CD28: variants seen among roughly 807,000 people sequenced by gnomAD.
CD28 encodes the protein CD28 molecule.
CD28 carries 8 observed loss-of-function variants against 21.4 expected under a neutral mutation model. The ratio of observed to expected loss-of-function variants is 0.37; its 90% CI spans 0.22 to 0.68. CD28 has a LOEUF of 0.68. Ranked by LOEUF, CD28 falls within the 30% of genes least tolerant of loss-of-function variation. The probability of loss-of-function intolerance (pLI) is 0.55; values close to 1 mark genes in which losing one functional copy is unlikely to be tolerated. For synonymous variants in CD28, 106 were observed against 104.0 expected, an observed-to-expected ratio of 1.02 and a Z score of -0.12; for missense variants, 239 against 272.2, an observed-to-expected ratio of 0.88 and a Z score of 0.86.
chr2:203,729,440 A>G (rs911813854), intron 2 of CD28, among the ~76,000 whole-genome samples: 1 of 152,172 alleles, frequency 6.6e-6, no homozygotes, highest in East Asian at 1.9e-4. Flanking sequence ...TCCTAACGTA[A>G]TGGCTTTCAA....
intron 1 of CD28, among the ~76,000 whole-genome samples, chr2:203,722,548 C>T (rs1032682959): frequency 6.6e-6 from 1 of 152,170 alleles, no homozygotes; most frequent in Non-Finnish European, 1.5e-5. Flanking sequence ...TTTCACTCCA[C>T]AATTATTTTA....
At chr2:203,729,582 A>C in intron 2 of CD28, 66 bp from the exon 3 acceptor site, 1 of 1,498,970 alleles carries the variant, frequency 6.7e-7, no homozygotes, top group Non-Finnish European at 9.2e-7. Context: ...TCTGATGTTC[A>C]CAAGGAAGGA....
chr2:203,706,947 A>T (rs1338808195), intron 1 of CD28, among the ~76,000 whole-genome samples, 199 bp downstream of exon 1: 1 of 152,072 alleles, frequency 6.6e-6, no homozygotes, highest in African/African-American at 2.4e-5. Flanking sequence ...CCTTGGAAAT[A>T]AATTTTCTAA....
intron 3 of CD28, among the ~76,000 whole-genome samples, chr2:203,733,014 G>A (rs1012418125): frequency 6.6e-6 from 1 of 152,158 alleles, no homozygotes; most frequent in Non-Finnish European, 1.5e-5. Context: ...GCTGACACTT[G>A]GAGGTTTGGC....
chr2:203,719,610 T>A (rs1042734413), intron 1 of CD28, among the ~76,000 whole-genome samples: 1 of 152,204 alleles, frequency 6.6e-6, no homozygotes, highest in Non-Finnish European at 1.5e-5. Context: ...TTATGTTTCC[T>A]GTAACCTTGG....
chr2:203,725,421 T>C (rs1458979663), intron 1 of CD28, among the ~76,000 whole-genome samples: 11 of 152,096 alleles, frequency 7.2e-5, no homozygotes, highest in Admixed American at 7.2e-4. Context: ...CTGGCTTTGC[T>C]CACCATTTGT....
Position 203,736,038 on chromosome 2 carries a change from C to T in CD28, c.*1126C>T, listed in dbSNP as rs185951288. On this transcript the variant is annotated 3_prime_UTR_variant, in exon 4 of 4. Transcript: ENST00000324106. Reference sequence around the variant, plus strand: ...ACAACAACAACAACAACAACAACAACAAACCACAAAATTATTTGAGTACTG... The same window carrying T: ...ACAACAACAACAACAACAACAACAATAAACCACAAAATTATTTGAGTACTG... 2 of 152,440 alleles carry T rather than the reference C, an allele frequency of 1.3e-5. No individual in the cohort carries two copies. Among genetic ancestry groups the T allele is most frequent in the Admixed American group, 1.3e-4 (2 of 15,232 alleles). 9.4% of individuals were successfully genotyped at this position (152,440 alleles called of 1,614,324 possible). A position where few individuals can be genotyped will look rare whatever the true frequency, so the allele number is the denominator to read the frequency against.
chr2:203,726,840 A>C lies in CD28; in HGVS notation c.260A>C (p.Asp87Ala). Reference sequence around the variant, plus strand: ...TACTCAAAAACGGGGTTCAACTGTGATGGGAAATTGGGCAATGAATCAGTG... The same window carrying C: ...TACTCAAAAACGGGGTTCAACTGTGCTGGGAAATTGGGCAATGAATCAGTG... The part of the protein sequence containing the change: ...QVYSKTGFNC[D>A]GKLGNESVTF... Residue 87 changes from aspartate to alanine, a missense_variant, in exon 2 of 4, where the codon GAT becomes GCT. By Grantham distance (126) the Asp-to-Ala change is moderately radical. Around this residue, in one of 3 missense-constraint regions of CD28, gnomAD observed 104 missense variants for 108.5 expected, o/e 0.96. Coordinates refer to ENST00000324106, the MANE Select transcript of CD28 (RefSeq NM_006139.4). The C allele has an allele frequency of 6.2e-7, 1 of 1,614,198 alleles. No homozygotes were observed. Among genetic ancestry groups the C allele is most frequent in the Non-Finnish European group, 8.5e-7 (1 of 1,180,026 alleles).
intron 1 of CD28, among the ~76,000 whole-genome samples, chr2:203,725,262 C>G (rs915504384): frequency 6.6e-6 from 1 of 150,574 alleles, no homozygotes; most frequent in African/African-American, 2.5e-5. Flanking sequence ...TGCACTCCAG[C>G]CTGGGCAACA....
rs370524842 is a variant in CD28 at position 203,737,623 on chromosome 2, G to A, written c.*2711G>A. The A allele has an allele frequency of 1.3e-5, 2 of 152,542 alleles. No individual in the cohort carries two copies. Among genetic ancestry groups the A allele is most frequent in the East Asian group, 3.9e-4 (2 of 5,190 alleles). 9.4% of individuals were successfully genotyped at this position (152,542 alleles called of 1,614,324 possible). On this transcript the variant is annotated 3_prime_UTR_variant, in exon 4 of 4. Transcript: ENST00000324106. ...AACCAAGAAATGGTTCAAAAACAGT[G>A]GTAGGAGCAATGCTTTCATAGTTTC...
In CD28 at chr2:203,730,817, A is replaced by C. The variant is rs151055355; in HGVS notation, c.534+1045A>C. ...AGTATGATACTCATCTTTAAGGCAT[A>C]ATCTGTATATGTACCTAATTCATAG... is the stretch of plus-strand genomic sequence containing the variant. On this transcript the variant is annotated intron_variant, in intron 3 of 3. Coordinates refer to ENST00000324106, the MANE Select transcript of CD28 (RefSeq NM_006139.4). Among the ~76,000 whole-genome samples, 314 of 152,310 alleles carry C rather than the reference A, an allele frequency of 2.1e-3. 2 individuals are homozygous for C. Among genetic ancestry groups the C allele is most frequent in the African/African-American group, 7.2e-3 (301 of 41,562 alleles).
chr2:203,717,119 G>A (rs967386490), intron 1 of CD28, among the ~76,000 whole-genome samples: 5 of 152,184 alleles, frequency 3.3e-5, no homozygotes, highest in African/African-American at 1.2e-4. Context: ...AGTGCTAGGA[G>A]TACAGGTGTA....
intron 2 of CD28, among the ~76,000 whole-genome samples, chr2:203,728,092 A>G (rs896124558): frequency 3.8e-4 from 58 of 151,716 alleles, no homozygotes; most frequent in Non-Finnish European, 6.5e-4. Flanking sequence ...TTACAGGCGT[A>G]AGCCACCGCG....
At chr2:203,720,148 T>C (rs1240064433) in intron 1 of CD28, among the ~76,000 whole-genome samples, 1 of 152,208 alleles carries the variant, frequency 6.6e-6, no homozygotes, top group East Asian at 1.9e-4. Flanking sequence ...AAGCAGCAGA[T>C]AAGTACCTTC....
chr2:203,725,471 T>C (rs1304406081), intron 1 of CD28, among the ~76,000 whole-genome samples: 1 of 150,856 alleles, frequency 6.6e-6, no homozygotes, highest in African/African-American at 2.4e-5. Flanking sequence ...TTCTAGGCCT[T>C]ATACAATCAT....
intron 3 of CD28, among the ~76,000 whole-genome samples, chr2:203,732,760 A>G (rs892691501): frequency 3.3e-5 from 5 of 152,202 alleles, no homozygotes; most frequent in Non-Finnish European, 7.3e-5. Flanking sequence ...TGGGTGCTGT[A>G]GGTTCTGCGT....
chr2:203,729,103 A>G (rs944714043), intron 2 of CD28, among the ~76,000 whole-genome samples: 3 of 152,186 alleles, frequency 2.0e-5, no homozygotes, highest in African/African-American at 7.2e-5. Flanking sequence ...AGAATTCTAT[A>G]GGTTCCTTCT....
intron 2 of CD28, among the ~76,000 whole-genome samples, chr2:203,727,682 ATTAAT>A (rs1693789780): frequency 4.8e-5 from 3 of 62,816 alleles, no homozygotes; most frequent in Non-Finnish European, 9.2e-5. Flanking sequence ...ATTTTAATTA[ATTAAT>A]TTTTTTTTTT....
At chr2:203,734,759 A>C in intron 3 of CD28, 25 bp from the exon 4 acceptor site, 1 of 1,613,854 alleles carries the variant, frequency 6.2e-7, no homozygotes, top group South Asian at 1.1e-5. Flanking sequence ...TTGTCCCTCC[A>C]TACTGACACT....
Sources: allele counts gnomAD v4.1 joint callset (sites outside exome capture counted in the v4.1 genomes callset), GRCh38; gene constraint gnomAD v4.1.1; regional missense constraint gnomAD v4.1.1; transcripts MANE v1.5; gene names NCBI Gene and HGNC (gene_info 2026-07-23, HGNC 2026-07-21).